The following DOCK10 variants were observed in gnomAD, a reference collection of about 807,000 sequenced individuals.
DOCK10 encodes dedicator of cytokinesis 10.
A neutral mutation model predicts 280.1 loss-of-function variants in DOCK10; 145 were observed. The observed-to-expected ratio is 0.52, with a 90% CI of 0.45 to 0.59. The LOEUF is 0.59. Among genes scored for constraint, DOCK10 ranks in the 20% least tolerant of loss-of-function variants. The pLI, the probability that DOCK10 is intolerant of heterozygous loss-of-function variation, is 0.00. For synonymous variants in DOCK10, 915 were observed against 942.2 expected (o/e 0.97, Z 0.53); for missense variants, 2,368 against 2,651.7 (o/e 0.89, Z 2.35).
At chr2:224,793,134 A>G (rs1692319201) in intron 46 of DOCK10, 62 bp from the exon 47 acceptor site, 3 of 1,256,054 alleles carry the variant, frequency 2.4e-6, no homozygotes, top group African/African-American at 3.0e-5. Context: ...CAAGCTTTAG[A>G]GACTACAAAT....
chr2:224,805,712 A>G lies in DOCK10; in HGVS notation c.3815-183T>C, dbSNP rs1693358188. ...CTCTTGTTTTAAAAATGCTTTAGTA[A>G]AAGTTCATAAAGATACTTTTGGGAA... On this transcript the variant is annotated intron_variant, in intron 34 of 55. Transcript: ENST00000258390. The surrounding 1 kb of genome is among the most constrained non-coding windows in gnomAD (Gnocchi z 4.3). Among the ~76,000 whole-genome samples, 1 of 152,156 alleles carries G rather than the reference A, an allele frequency of 6.6e-6. No individual in the cohort carries two copies. The highest frequency in any genetic ancestry group is 6.6e-5 in the Admixed American group (1 of 15,256).
At chr2:224,807,501 G>C in intron 33 of DOCK10, 167 bp downstream of exon 33, 1 of 536,016 alleles carries the variant, frequency 1.9e-6, no homozygotes, top group Middle Eastern at 5.1e-4. Context: ...AGGCTAAAGG[G>C]ACCTATCTGG....
intron 1 of DOCK10, among the ~76,000 whole-genome samples, chr2:224,968,319 A>AT (rs1479974975): frequency 6.6e-6 from 1 of 152,256 alleles, no homozygotes; most frequent in Non-Finnish European, 1.5e-5. Context: ...CTTTTGATTC[A>AT]TAAAACCACA....
At chr2:224,973,591 A>G (rs748232377) in intron 1 of DOCK10, among the ~76,000 whole-genome samples, 24 of 152,144 alleles carry the variant, frequency 1.6e-4, no homozygotes, top group African/African-American at 5.8e-4. Flanking sequence ...AGCTCTGCCA[A>G]TTTTAGCCCA....
chr2:224,781,960 A>C (rs991567519), intron 50 of DOCK10, among the ~76,000 whole-genome samples: 2 of 152,148 alleles, frequency 1.3e-5, no homozygotes, highest in African/African-American at 4.8e-5. Context: ...AAAGTTCACA[A>C]AGAGAAGAAT....
chr2:225,018,019 G>T (rs1689664190), intron 1 of DOCK10, among the ~76,000 whole-genome samples: 1 of 152,110 alleles, frequency 6.6e-6, no homozygotes, highest in South Asian at 2.1e-4. Flanking sequence ...TCACAGTAAT[G>T]GCAGAACGGC....
chr2:224,890,880 T>TTCAC (rs774175635), intron 4 of DOCK10, among the ~76,000 whole-genome samples: 2 of 152,200 alleles, frequency 1.3e-5, no homozygotes, highest in Non-Finnish European at 2.9e-5. Context: ...TATCAAATGG[T>TTCAC]TCACTTACAA....
intron 33 of DOCK10, among the ~76,000 whole-genome samples, 178 bp from the exon 34 acceptor site, chr2:224,806,415 G>A (rs954466765): frequency 2.0e-5 from 3 of 152,174 alleles, no homozygotes; most frequent in South Asian, 2.1e-4. Flanking sequence ...AACCATACTC[G>A]TAGTTATAAT....
intron 1 of DOCK10, among the ~76,000 whole-genome samples, chr2:224,990,840 A>G (rs1706108484): frequency 6.6e-6 from 1 of 152,196 alleles, no homozygotes; most frequent in Non-Finnish European, 1.5e-5. Flanking sequence ...TGCAACATCA[A>G]CTATTCTGAT....
rs757411923 is a variant in DOCK10 at position 224,885,777 on chromosome 2, G to C, written c.641C>G (p.Thr214Ser). 1 of 1,613,418 alleles carries C rather than the reference G, an allele frequency of 6.2e-7. No homozygotes were observed. The highest frequency in any genetic ancestry group is 1.1e-5 in the South Asian group (1 of 90,970). The change falls in exon 7 of 56, where the codon ACT becomes AGT. Residue 214 changes from threonine (T) to serine (S), a missense_variant. By Grantham distance (58) the Thr-to-Ser change is moderately conservative (BLOSUM62 1). Around this residue, in one of 2 missense-constraint regions of DOCK10, gnomAD observed 1,209 missense variants for 1,250.9 expected, o/e 0.97. Coordinates refer to ENST00000258390, the MANE Select transcript of DOCK10 (RefSeq NM_014689.3). ...RSFKKRYFQL[T>S]QLPDNSYIMN... ...AATGTAGGAGTTATCTGGTAACTGA[G>C]TCAGCTGGAAGTAGCGCTTTTTGAA...
chr2:224,808,100 G>C lies in DOCK10; in HGVS notation c.3410-14C>G. The C allele has an allele frequency of 1.2e-6, 2 of 1,602,550 alleles. No individual in the cohort carries two copies. The highest frequency in any genetic ancestry group is 2.2e-5 in the East Asian group (1 of 44,650). On this transcript the variant is annotated splice_polypyrimidine_tract_variant and intron_variant, in intron 31 of 55. Transcript: ENST00000258390. Reference sequence around the variant, plus strand: ...ATTCAGGCATATCTTTGTGAGGAAGGAAAATAACTCATGTTATTGAAAATC... The same window carrying C: ...ATTCAGGCATATCTTTGTGAGGAAGCAAAATAACTCATGTTATTGAAAATC...
At chr2:224,842,383 G>C (rs1346821780) in intron 22 of DOCK10, among the ~76,000 whole-genome samples, 1 of 152,200 alleles carries the variant, frequency 6.6e-6, no homozygotes, top group Non-Finnish European at 1.5e-5. Flanking sequence ...GGATAGAACT[G>C]ACTATAACAC....
chr2:224,768,593 G>C (rs1445896243), intron 55 of DOCK10, among the ~76,000 whole-genome samples: 1 of 152,178 alleles, frequency 6.6e-6, no homozygotes, highest in East Asian at 1.9e-4. Flanking sequence ...TTTAGGTACA[G>C]CATATCTTTG....
chr2:224,884,071 C>T (rs932817167), intron 7 of DOCK10, among the ~76,000 whole-genome samples: 7 of 152,190 alleles, frequency 4.6e-5, no homozygotes, highest in Non-Finnish European at 1.0e-4. Context: ...AGAAAATAGC[C>T]TCCACCCTCC....
chr2:224,827,996 A>G (rs1444495223), intron 27 of DOCK10, among the ~76,000 whole-genome samples: 1 of 152,098 alleles, frequency 6.6e-6, no homozygotes, highest in African/African-American at 2.4e-5. Context: ...ATTCCTCCCT[A>G]TTAAGTGTCA....
chr2:224,873,326 C>T (rs1296466053), intron 11 of DOCK10, among the ~76,000 whole-genome samples: 2 of 152,078 alleles, frequency 1.3e-5, no homozygotes, highest in East Asian at 1.9e-4. Context: ...CCTGTAATCC[C>T]AGCACTTTGA....
At chr2:224,867,808 G>A (rs1698028184) in intron 11 of DOCK10, among the ~76,000 whole-genome samples, 1 of 152,224 alleles carries the variant, frequency 6.6e-6, no homozygotes, top group Non-Finnish European at 1.5e-5. Context: ...GCATGTGTTT[G>A]TCTTGGTTGA....
chr2:224,819,644 T>C, intron 28 of DOCK10, 115 bp from the exon 29 acceptor site: 3 of 618,896 alleles, frequency 4.8e-6, no homozygotes, highest in Admixed American at 3.7e-5. Flanking sequence ...ATGTGTTGTA[T>C]AATTAGGTAT....
In DOCK10 at chr2:224,841,985, T is replaced by C; in HGVS notation, c.2569-89A>G. On this transcript the variant is annotated intron_variant, in intron 22 of 55. Transcript: ENST00000258390. The stretch of plus-strand genomic sequence containing the variant: ...CACTGTGATGTGAGGTAAGCATTTC[T>C]GTAGGATTGATGCCTCGAAGTGCAA... 1.2e-5 allele frequency: 11 copies of C among 936,756 alleles called. No homozygotes were observed. The South Asian group carries it at 1.5e-4, about 13-fold the overall frequency. The allele number at this position is 936,756 out of a possible 1,614,324, so 58.0% of individuals were successfully genotyped here.
Sources: gnomAD v4.1 joint callset for allele counts (sites outside exome capture counted in the v4.1 genomes callset) on GRCh38, gnomAD v4.1.1 for gene constraint, gnomAD v4.1.1 regional missense constraint, Gnocchi (gnomAD v3.1) non-coding constraint, MANE v1.5 for transcripts, NCBI Gene and HGNC (gene_info 2026-07-23, HGNC 2026-07-21) for gene names.